Variants in CCDC102B observed in about 807,000 individuals in gnomAD.
CCDC102B encodes coiled-coil domain containing 102B.
In CCDC102B, 75 loss-of-function variants were observed where a neutral mutation model predicts 57.4. The ratio of observed to expected loss-of-function variants is 1.31; its 90% CI spans 1.08 to 1.58. The LOEUF is 1.58. CCDC102B is among the 40% of genes most tolerant of loss of function. The probability of loss-of-function intolerance (pLI) is 0.00; values close to 1 mark genes in which losing one functional copy is unlikely to be tolerated. For synonymous variants in CCDC102B, 206 were observed against 201.9 expected, an observed-to-expected ratio of 1.02 and a Z score of -0.17; for missense variants, 636 against 582.6, an observed-to-expected ratio of 1.09 and a Z score of -0.94.
At chr18:69,031,261 G>T (rs919010013) in intron 7 of CCDC102B, among the ~76,000 whole-genome samples, 2 of 151,902 alleles carry the variant, frequency 1.3e-5, no homozygotes, top group African/African-American at 4.8e-5. Context: ...TGACTTAGGG[G>T]GTCTCTTCTA....
chr18:68,973,700 CAA>C (rs1336723449), intron 6 of CCDC102B, among the ~76,000 whole-genome samples: 5 of 151,936 alleles, frequency 3.3e-5, no homozygotes, highest in African/African-American at 1.2e-4. Context: ...ATTTATTTAA[CAA>C]GAGGTTAAAT....
intron 6 of CCDC102B, among the ~76,000 whole-genome samples, chr18:69,001,156 T>G (rs143657190): frequency 5.1e-4 from 78 of 152,304 alleles, no homozygotes; most frequent in African/African-American, 1.8e-3. Context: ...CAATCATTCC[T>G]CTTCATATCA....
chr18:68,838,795 T>C lies in CCDC102B; in HGVS notation c.696T>C (p.Ser232=), dbSNP rs912036329. 50 of 1,613,942 alleles carry C rather than the reference T, an allele frequency of 3.1e-5. No individual in the cohort carries two copies. The highest frequency in any genetic ancestry group is 4.0e-5 in the Non-Finnish European group (47 of 1,179,980). The change falls in exon 3 of 8, where the codon TCT becomes TCC. Residue 232 remains serine, a synonymous_variant. Transcript: ENST00000360242. ...DGVDLFNNGG[S]GNGETKTGLR... is the part of the protein sequence containing the mutation. ...TTGATTTATTCAACAATGGTGGTTC[T>C]GGAAACGGTGAAACGAAAACTGGGC... is the stretch of plus-strand genomic sequence containing the variant.
intron 5 of CCDC102B, among the ~76,000 whole-genome samples, chr18:68,879,196 C>T (rs531690127): frequency 4.0e-5 from 6 of 151,138 alleles, no homozygotes; most frequent in Admixed American, 4.0e-4. Flanking sequence ...GGCAGCATGT[C>T]TGGAGTTGTT....
At chr18:68,824,519 T>C (rs1412025850) in intron 1 of CCDC102B, among the ~76,000 whole-genome samples, 1 of 152,234 alleles carries the variant, frequency 6.6e-6, no homozygotes, top group East Asian at 1.9e-4. Flanking sequence ...CTGATTGCTC[T>C]GGCCAGGATT....
chr18:69,005,697 T>G (rs369834077), intron 6 of CCDC102B, among the ~76,000 whole-genome samples: 1 of 151,690 alleles, frequency 6.6e-6, no homozygotes, highest in Non-Finnish European at 1.5e-5. Flanking sequence ...CAAAATAAAC[T>G]AATGCCATAA....
intron 2 of CCDC102B, among the ~76,000 whole-genome samples, chr18:68,724,124 C>A (rs145682868): frequency 6.6e-6 from 1 of 152,162 alleles, no homozygotes; most frequent in Non-Finnish European, 1.5e-5. Context: ...CCAAGCTATG[C>A]CTTGGCCCCT....
downstream of CCDC102B, among the ~76,000 whole-genome samples, chr18:69,055,546 G>A (rs1304430114): frequency 1.3e-5 from 2 of 151,996 alleles, no homozygotes; most frequent in Non-Finnish European, 2.9e-5. Flanking sequence ...AGGATGGGCC[G>A]CAGGTCAAGG....
chr18:68,870,682 TC>T (rs1257680571), intron 4 of CCDC102B, among the ~76,000 whole-genome samples: 2 of 152,180 alleles, frequency 1.3e-5, no homozygotes, highest in African/African-American at 2.4e-5. Context: ...AGTTGAAAGA[TC>T]ATTTGTTGAA....
At chr18:68,734,648 T>C (rs1366048226) in intron 2 of CCDC102B, 1 of 152,228 alleles carries the variant, frequency 6.6e-6, no homozygotes, top group Non-Finnish European at 1.5e-5. Flanking sequence ...TTTTTCATAT[T>C]TTTATAAAAG....
intron 7 of CCDC102B, among the ~76,000 whole-genome samples, chr18:69,045,206 G>T (rs1399010532): frequency 1.3e-5 from 2 of 151,952 alleles, no homozygotes; most frequent in Non-Finnish European, 2.9e-5. Context: ...ACACAATTCA[G>T]TTCCTAAAAC....
At chr18:68,914,526 C>A (rs2040993306) in intron 6 of CCDC102B, among the ~76,000 whole-genome samples, 1 of 152,142 alleles carries the variant, frequency 6.6e-6, no homozygotes, top group Admixed American at 6.6e-5. Flanking sequence ...TTAAAATAAA[C>A]CATGCAATAA....
At chr18:68,821,616 C>T (rs757365929) in intron 1 of CCDC102B, among the ~76,000 whole-genome samples, 98 of 151,612 alleles carry the variant, frequency 6.5e-4, no homozygotes, top group Non-Finnish European at 1.0e-3. Flanking sequence ...AATAATAAAC[C>T]CAGTATGTTG....
At chr18:68,955,205 G>A (rs185668026) in intron 6 of CCDC102B, among the ~76,000 whole-genome samples, 41 of 152,166 alleles carry the variant, frequency 2.7e-4, no homozygotes, top group African/African-American at 9.4e-4. Flanking sequence ...GTAGTCATGA[G>A]GGCTATTCCG....
At chr18:68,719,070 A>G (rs527392861) in intron 2 of CCDC102B, among the ~76,000 whole-genome samples, 1 of 152,338 alleles carries the variant, frequency 6.6e-6, no homozygotes, top group African/African-American at 2.4e-5. Context: ...AAGAAAACTT[A>G]AAGTCATTGT....
chr18:68,750,040 G>A (rs1436497265), intron 2 of CCDC102B, among the ~76,000 whole-genome samples: 2 of 152,040 alleles, frequency 1.3e-5, no homozygotes, highest in African/African-American at 2.4e-5. Flanking sequence ...ATCTGACAAA[G>A]GGCTAATATC....
intron 6 of CCDC102B, among the ~76,000 whole-genome samples, chr18:68,984,633 A>G (rs965976934): frequency 6.6e-6 from 1 of 152,142 alleles, no homozygotes; most frequent in African/African-American, 2.4e-5. Flanking sequence ...AGGTACAGAG[A>G]TAAATTTATT....
chr18:68,965,325 G>A (rs576135478), intron 6 of CCDC102B, among the ~76,000 whole-genome samples: 3 of 148,352 alleles, frequency 2.0e-5, no homozygotes, highest in Admixed American at 2.0e-4. Flanking sequence ...TTTCCCATTT[G>A]TTCCCCCTAT....
At chr18:68,878,162 T>C (rs2039524055) in intron 5 of CCDC102B, among the ~76,000 whole-genome samples, 1 of 152,174 alleles carries the variant, frequency 6.6e-6, no homozygotes, top group African/African-American at 2.4e-5. Context: ...AGTGGCACAA[T>C]CTCGGCTCAC....
Sources: allele counts gnomAD v4.1 joint callset (sites outside exome capture counted in the v4.1 genomes callset), GRCh38; gene constraint gnomAD v4.1.1; transcripts MANE v1.5; gene names NCBI Gene and HGNC (gene_info 2026-07-23, HGNC 2026-07-21).